Variants in KLF5 observed in about 807,000 individuals in gnomAD.
KLF5 encodes Krueppel-like factor 5.
Under a neutral mutation model 36.9 loss-of-function variants are expected in KLF5, and 9 were observed. The ratio of observed to expected loss-of-function variants is 0.24; its 90% CI spans 0.15 to 0.43. The LOEUF (loss-of-function observed/expected upper bound fraction) is 0.43, where lower values mean the gene tolerates loss of function less well. Ranked by LOEUF, KLF5 falls within the 20% of genes least tolerant of loss-of-function variation. The pLI is 1.00. For synonymous variants in KLF5, 246 were observed against 241.7 expected (o/e 1.02, Z -0.17); for missense variants, 524 against 599.5 (o/e 0.87, Z 1.31).
intron 2 of KLF5, among the ~76,000 whole-genome samples, chr13:73,063,594 CTTGA>C (rs2044656761): frequency 6.6e-6 from 1 of 152,124 alleles, no homozygotes; most frequent in South Asian, 2.1e-4. Flanking sequence ...TGTAGTTTGG[CTTGA>C]TTATCTGTAT....
upstream of KLF5, among the ~76,000 whole-genome samples, chr13:73,057,024 G>A (rs1487998733): frequency 1.3e-5 from 2 of 151,984 alleles, no homozygotes; most frequent in Non-Finnish European, 2.9e-5. Context: ...AAAATACATG[G>A]ATTTTATTGC....
chr13:73,063,444 G>C (rs1408169249), intron 2 of KLF5, among the ~76,000 whole-genome samples: 1 of 152,100 alleles, frequency 6.6e-6, no homozygotes, highest in East Asian at 1.9e-4. Context: ...AGAAATGTGG[G>C]AGTACAGAAA....
chr13:73,075,427 T>G (rs997189223), intron 3 of KLF5, among the ~76,000 whole-genome samples: 1 of 152,216 alleles, frequency 6.6e-6, no homozygotes, highest in Non-Finnish European at 1.5e-5. Context: ...GGGCACTGAT[T>G]CGTTTTGTAC....
chr13:73,059,761 C>T (rs1368964255), intron 1 of KLF5, 173 bp downstream of exon 1: 23 of 616,440 alleles, frequency 3.7e-5, no homozygotes, highest in African/African-American at 4.6e-5. Flanking sequence ...CCCCGCGTTT[C>T]GCTGAGAGTA....
At chr13:73,065,269 C>A (rs956108979) in intron 3 of KLF5, among the ~76,000 whole-genome samples, 1 of 152,124 alleles carries the variant, frequency 6.6e-6, no homozygotes, top group Non-Finnish European at 1.5e-5. Flanking sequence ...AAAGTAAAAG[C>A]CTTTGAACAA....
At chr13:73,058,120 C>CA (rs1181950331), upstream of KLF5, among the ~76,000 whole-genome samples, 13 of 152,120 alleles carry the variant, frequency 8.5e-5, no homozygotes, top group Non-Finnish European at 1.5e-4. Context: ...ACAGTGCTAG[C>CA]AAAAATAAGT....
At chr13:73,061,233 T>A (rs992949424) in intron 1 of KLF5, among the ~76,000 whole-genome samples, 4 of 152,234 alleles carry the variant, frequency 2.6e-5, no homozygotes, top group Non-Finnish European at 2.9e-5. Context: ...AAATATTGAA[T>A]GTGAAATTGT....
chr13:73,059,370 G>A lies in KLF5; in HGVS notation c.43G>A (p.Val15Met). 3 of 1,416,494 alleles carry A rather than the reference G, an allele frequency of 2.1e-6. No individual in the cohort carries two copies. Among genetic ancestry groups the A allele is most frequent in the Non-Finnish European group, 2.8e-6 (3 of 1,086,204 alleles). 87.7% of individuals were successfully genotyped at this position (1,416,494 alleles called of 1,614,324 possible). ...GAGCATGAGCGCCCGCCTGGGACCC[G>A]TGCCCCAGCCGCCGGCGCCGCAGGA... is the stretch of plus-strand genomic sequence containing the variant. Reference protein sequence around the residue: ...VLSMSARLGPVPQPPAPQDEP... With the variant: ...VLSMSARLGPMPQPPAPQDEP... The change falls in exon 1 of 4, where the codon GTG (valine) becomes ATG (methionine). Residue 15 changes from valine (V) to methionine (M), a missense_variant. Transcript: ENST00000377687.
upstream of KLF5, chr13:73,058,671 G>C (rs2044599123): frequency 6.6e-6 from 1 of 151,606 alleles, no homozygotes; most frequent in East Asian, 1.9e-4. Flanking sequence ...ACAGTGCGAA[G>C]AGATCTCCCT....
chr13:73,064,925 C>T (rs2044668670), intron 3 of KLF5, among the ~76,000 whole-genome samples: 1 of 152,112 alleles, frequency 6.6e-6, no homozygotes, highest in Non-Finnish European at 1.5e-5. Flanking sequence ...TAAAGGCCCC[C>T]CAAATACTCC....
At chr13:73,057,232 G>T (rs1452659048), upstream of KLF5, among the ~76,000 whole-genome samples, 1 of 152,122 alleles carries the variant, frequency 6.6e-6, no homozygotes, top group Non-Finnish European at 1.5e-5. Context: ...GATGTTATCA[G>T]AATTAAGTAA....
intron 3 of KLF5, among the ~76,000 whole-genome samples, chr13:73,072,378 A>AG (rs1163074543): frequency 1.3e-5 from 2 of 152,258 alleles, no homozygotes; most frequent in Non-Finnish European, 2.9e-5. Flanking sequence ...AACAGTGCTC[A>AG]GGACCCCACA....
At chr13:73,066,127 CT>C (rs1364109220) in intron 3 of KLF5, among the ~76,000 whole-genome samples, 2 of 152,136 alleles carry the variant, frequency 1.3e-5, no homozygotes, top group Admixed American at 6.5e-5. Context: ...TTTCAAATGC[CT>C]TGGGGAGGGT....
At chr13:73,061,097 T>C (rs917058433) in intron 1 of KLF5, among the ~76,000 whole-genome samples, 1 of 152,242 alleles carries the variant, frequency 6.6e-6, no homozygotes, top group African/African-American at 2.4e-5. Context: ...TTAGCAGCAC[T>C]CTACCAAGGG....
rs1387311298 is a variant in KLF5 at position 73,076,968 on chromosome 13, A to G, written c.*1082A>G. 6.6e-6 allele frequency: 1 copy of G among 152,514 alleles called. No individual in the cohort carries two copies. The highest frequency in any genetic ancestry group is 1.5e-5 in the Non-Finnish European group (1 of 68,046). The allele number at this position is 152,514 out of a possible 1,614,324, so 9.4% of individuals were successfully genotyped here. On this transcript the variant is annotated 3_prime_UTR_variant, in exon 4 of 4. Coordinates refer to ENST00000377687, the MANE Select transcript of KLF5 (RefSeq NM_001730.5). Reference sequence around the variant, plus strand: ...GACACAGTAATTTTATCTAAATTACAGTGCAGTTTAGTTAATCTATTAATA... The same window carrying G: ...GACACAGTAATTTTATCTAAATTACGGTGCAGTTTAGTTAATCTATTAATA...
intron 3 of KLF5, among the ~76,000 whole-genome samples, chr13:73,066,857 A>G (rs2044683521): frequency 6.6e-6 from 1 of 152,160 alleles, no homozygotes; most frequent in African/African-American, 2.4e-5. Context: ...AAATAATACA[A>G]AGTTCTGTCT....
intron 3 of KLF5, among the ~76,000 whole-genome samples, chr13:73,071,050 A>T (rs1052053681): frequency 2.0e-5 from 3 of 152,234 alleles, no homozygotes; most frequent in Admixed American, 1.3e-4. Flanking sequence ...TTACAGCAGG[A>T]ATAGAAGATA....
chr13:73,065,315 G>A (rs914713426), intron 3 of KLF5, among the ~76,000 whole-genome samples: 1 of 152,196 alleles, frequency 6.6e-6, no homozygotes, highest in Non-Finnish European at 1.5e-5. Context: ...AGAGGAATAT[G>A]GTTGCAGACA....
Position 73,061,914 on chromosome 13 carries a change from A to T in KLF5, c.315A>T (p.Ile105=). Residue 105 remains isoleucine (I), a synonymous_variant, in exon 2 of 4, where the codon ATA becomes ATT. Transcript: ENST00000377687. ...YLTPQLPPVP[I]IPEHKKYRRD... ...CACCTCAGCTTCCTCCAGTTCCTAT[A>T]ATTCCAGAGCATAAAAAGTATAGAC... 6.2e-7 allele frequency: 1 copy of T among 1,614,010 alleles called. No individual in the cohort carries two copies. The highest frequency in any genetic ancestry group is 8.5e-7 in the Non-Finnish European group (1 of 1,179,888).
Sources: allele counts gnomAD v4.1 joint callset (sites outside exome capture counted in the v4.1 genomes callset), GRCh38; gene constraint gnomAD v4.1.1; transcripts MANE v1.5; gene names NCBI Gene and HGNC (gene_info 2026-07-23, HGNC 2026-07-21).